The following MAP2K1 variants were observed in gnomAD, a reference collection of about 807,000 sequenced individuals.
MAP2K1 encodes the protein dual specificity mitogen-activated protein kinase kinase 1.
A neutral mutation model predicts 46.3 loss-of-function variants in MAP2K1; 16 were observed. That is an observed-to-expected ratio of 0.35 (90% CI 0.23 to 0.52). The LOEUF is 0.52. MAP2K1 is among the 20% of genes least tolerant of loss of function. The pLI, the probability that MAP2K1 is intolerant of heterozygous loss-of-function variation, is 0.94. For missense variants in MAP2K1, 263 were observed against 497.1 expected (o/e 0.53, Z 4.48); for synonymous variants, 183 against 185.6 (o/e 0.99, Z 0.11).
intron 10 of MAP2K1, 66 bp downstream of exon 10, chr15:66,489,829 C>T: frequency 7.6e-7 from 1 of 1,318,676 alleles, no homozygotes; most frequent in Non-Finnish European, 1.1e-6. Flanking sequence ...TGTCAGTCAT[C>T]TGTGCAGTAC....
intron 1 of MAP2K1, among the ~76,000 whole-genome samples, chr15:66,413,747 A>G (rs183022551): frequency 4.6e-5 from 7 of 152,300 alleles, no homozygotes; most frequent in Admixed American, 4.6e-4. Context: ...ATTGTGACAC[A>G]TGCTCTAACT....
chr15:66,402,023 C>G, intron 1 of MAP2K1: 1 of 1,327,434 alleles, frequency 7.5e-7, no homozygotes, highest in Middle Eastern at 2.0e-4. Context: ...CCTTTCTGAT[C>G]ATTTTAAAGT....
intron 1 of MAP2K1, among the ~76,000 whole-genome samples, chr15:66,432,375 C>T (rs1181112105): frequency 6.6e-6 from 1 of 152,198 alleles, no homozygotes; most frequent in Non-Finnish European, 1.5e-5. Context: ...AAGCACAAAG[C>T]TCAGGCTTAG....
intron 5 of MAP2K1, among the ~76,000 whole-genome samples, chr15:66,446,174 T>A (rs1348726086): frequency 1.3e-5 from 2 of 152,070 alleles, no homozygotes; most frequent in Admixed American, 6.6e-5. Context: ...GAGCCAAGAT[T>A]GCGCCACTGC....
intron 5 of MAP2K1, among the ~76,000 whole-genome samples, chr15:66,445,166 G>A (rs1891833804): frequency 6.6e-6 from 1 of 151,344 alleles, no homozygotes; most frequent in Admixed American, 6.6e-5. Context: ...GTGGGGGGGT[G>A]GATCATGAGG....
Position 66,468,699 on chromosome 15 carries a change from G to A in MAP2K1, c.569-13056G>A, listed in dbSNP as rs1429625905. ...TGTAATCCCAACACTTTGGGAGGCC[G>A]AGGTGGGCGGATCACGAGGTCAGGA... On this transcript the variant is annotated intron_variant, in intron 5 of 10. Coordinates refer to ENST00000307102, the MANE Select transcript of MAP2K1 (RefSeq NM_002755.4). 3.3e-5 allele frequency among the ~76,000 whole-genome samples: 5 copies of A among 152,244 alleles called. No homozygotes were observed. The East Asian group carries it at 5.8e-4, about 18-fold the overall frequency.
chr15:66,428,273 T>C (rs554667417), intron 1 of MAP2K1, among the ~76,000 whole-genome samples: 2 of 1,070 alleles, frequency 1.9e-3, no homozygotes, highest in Non-Finnish European at 3.1e-3. Flanking sequence ...CAGTTGTGCG[T>C]GTGTGTGTGT....
At chr15:66,485,654 C>T (rs1893022128) in intron 7 of MAP2K1, among the ~76,000 whole-genome samples, 1 of 152,096 alleles carries the variant, frequency 6.6e-6, no homozygotes, top group African/African-American at 2.4e-5. Flanking sequence ...TCACAGCTCA[C>T]TGCAGCCTCA....
chr15:66,387,495 C>T (rs1016458727), intron 1 of MAP2K1, 68 bp downstream of exon 1: 2 of 1,456,860 alleles, frequency 1.4e-6, no homozygotes, highest in South Asian at 2.4e-5. Context: ...AGCAGGAGCG[C>T]GCGCCAGGCT....
At chr15:66,475,868 T>C (rs1315461710) in intron 5 of MAP2K1, among the ~76,000 whole-genome samples, 1 of 152,190 alleles carries the variant, frequency 6.6e-6, no homozygotes, top group Non-Finnish European at 1.5e-5. Flanking sequence ...CTTAGCTCAG[T>C]GCAGATACTC....
At chr15:66,396,992 CTT>C (rs2093369309) in intron 1 of MAP2K1, among the ~76,000 whole-genome samples, 1 of 117,620 alleles carries the variant, frequency 8.5e-6, no homozygotes, top group Non-Finnish European at 1.7e-5. Context: ...GCCTGTAACG[CTT>C]CTTTTTTTTT....
intron 1 of MAP2K1, among the ~76,000 whole-genome samples, chr15:66,432,476 G>A (rs2093477236): frequency 6.6e-6 from 1 of 152,214 alleles, no homozygotes; most frequent in South Asian, 2.1e-4. Flanking sequence ...CAAATTGATT[G>A]AATTTCTATG....
intron 1 of MAP2K1, among the ~76,000 whole-genome samples, chr15:66,423,371 C>T (rs2093448343): frequency 6.6e-6 from 1 of 151,860 alleles, no homozygotes; most frequent in Non-Finnish European, 1.5e-5. Context: ...CTGTTTATAG[C>T]TTATCTCTTG....
At chr15:66,437,706 A>G (rs746596779) in intron 3 of MAP2K1, among the ~76,000 whole-genome samples, 2 of 152,212 alleles carry the variant, frequency 1.3e-5, no homozygotes, top group African/African-American at 4.8e-5. Context: ...AGGATTCTCT[A>G]CTTGTGCCTC....
At chr15:66,422,174 C>T (rs2093445261) in intron 1 of MAP2K1, among the ~76,000 whole-genome samples, 1 of 152,156 alleles carries the variant, frequency 6.6e-6, no homozygotes, top group Admixed American at 6.6e-5. Flanking sequence ...TCTACCCTGC[C>T]ACAGCAACTG....
At chr15:66,406,852 G>C (rs1406846742) in intron 1 of MAP2K1, among the ~76,000 whole-genome samples, 1 of 152,100 alleles carries the variant, frequency 6.6e-6, no homozygotes, top group Non-Finnish European at 1.5e-5. Flanking sequence ...CCAACATGGA[G>C]AAACCCCATC....
chr15:66,448,998 T>C (rs767875588), intron 5 of MAP2K1, among the ~76,000 whole-genome samples: 5 of 92,350 alleles, frequency 5.4e-5, no homozygotes, highest in Non-Finnish European at 9.9e-5. Context: ...TGTGAGACAC[T>C]GTCTCAAAAA....
chr15:66,386,958 G>C lies in MAP2K1; in HGVS notation c.-390G>C. 1 of 258,434 alleles carries C rather than the reference G, an allele frequency of 3.9e-6. No homozygotes were observed. The highest frequency in any genetic ancestry group is 7.3e-6 in the Non-Finnish European group (1 of 136,264). The allele number at this position is 258,434 out of a possible 1,614,324, so 16.0% of individuals were successfully genotyped here. A position where few individuals can be genotyped will look rare whatever the true frequency, so the allele number is the denominator to read the frequency against. On this transcript the variant is annotated 5_prime_UTR_variant, in exon 1 of 11. Transcript: ENST00000307102. The stretch of plus-strand genomic sequence containing the variant: ...GCAGAGCGGCTAGGAGCACGGCGGC[G>C]GCGGCACTTTCCCCGGCAGGAGCTG...
intron 1 of MAP2K1, among the ~76,000 whole-genome samples, chr15:66,397,612 T>A (rs1044715901): frequency 6.6e-6 from 1 of 152,228 alleles, no homozygotes; most frequent in South Asian, 2.1e-4. Context: ...TGTTGATAAA[T>A]CATGTTGATT....
Sources: allele counts gnomAD v4.1 joint callset (sites outside exome capture counted in the v4.1 genomes callset), GRCh38; gene constraint gnomAD v4.1.1; transcripts MANE v1.5; gene names NCBI Gene and HGNC (gene_info 2026-07-23, HGNC 2026-07-21).